The following GPC5 variants were observed in gnomAD, a reference collection of about 807,000 sequenced individuals.
The protein encoded by GPC5 is glypican-5.
In GPC5, 47 loss-of-function variants were observed where a neutral mutation model predicts 53.9. That is an observed-to-expected ratio of 0.87 (90% CI 0.69 to 1.11). The LOEUF (loss-of-function observed/expected upper bound fraction) is 1.11. GPC5 is among the 50% of genes most tolerant of loss of function. The probability of loss-of-function intolerance (pLI) is 0.00; values close to 1 mark genes in which losing one functional copy is unlikely to be tolerated. For missense variants in GPC5, 748 were observed against 713.1 expected, an observed-to-expected ratio of 1.05 and a Z score of -0.56; for synonymous variants, 286 against 263.3, an observed-to-expected ratio of 1.09 and a Z score of -0.84.
chr13:92,385,788 TATATAC>T (rs1374793158), intron 7 of GPC5, among the ~76,000 whole-genome samples: 1 of 110,882 alleles, frequency 9.0e-6, no homozygotes, highest in Admixed American at 9.6e-5. Flanking sequence ...TATATGTATA[TATATAC>T]ATATATACGT....
At chr13:91,977,042 A>T (rs1015986782) in intron 6 of GPC5, among the ~76,000 whole-genome samples, 1 of 16,632 alleles carries the variant, frequency 6.0e-5, no homozygotes, top group Non-Finnish European at 1.1e-4. Flanking sequence ...CTGTCTCAAT[A>T]AATAAATAAA....
chr13:92,774,212 A>G (rs573823692), intron 7 of GPC5, among the ~76,000 whole-genome samples: 1 of 152,320 alleles, frequency 6.6e-6, no homozygotes, highest in South Asian at 2.1e-4. Context: ...ACCTCAGTCA[A>G]CTTTTTCCAG....
chr13:92,031,743 TA>T (rs2040846345), intron 6 of GPC5, among the ~76,000 whole-genome samples: 2 of 84,124 alleles, frequency 2.4e-5, no homozygotes, highest in Admixed American at 1.7e-4. Context: ...ATATTATATA[TA>T]ATATATATTA....
At chr13:92,613,775 T>C (rs2139102535) in intron 7 of GPC5, among the ~76,000 whole-genome samples, 1 of 148,522 alleles carries the variant, frequency 6.7e-6, no homozygotes, top group East Asian at 2.0e-4. Flanking sequence ...GGAGGCTCAC[T>C]TGAGCACGGA....
At chr13:91,897,546 C>T (rs898410887) in intron 5 of GPC5, among the ~76,000 whole-genome samples, 2 of 151,996 alleles carry the variant, frequency 1.3e-5, no homozygotes, top group African/African-American at 4.8e-5. Flanking sequence ...GGATAGGCTC[C>T]CATCCCTGAT....
intron 2 of GPC5, among the ~76,000 whole-genome samples, chr13:91,502,971 A>T (rs561634076): frequency 6.6e-6 from 1 of 152,330 alleles, no homozygotes; most frequent in East Asian, 1.9e-4. Context: ...CACTTTTATT[A>T]TTCAGCAAGA....
intron 5 of GPC5, among the ~76,000 whole-genome samples, chr13:91,824,053 G>A (rs187166267): frequency 4.1e-4 from 62 of 152,160 alleles, no homozygotes; most frequent in Admixed American, 1.4e-3. Flanking sequence ...AAGTAAAACA[G>A]TAAGTGGTCA....
intron 2 of GPC5, among the ~76,000 whole-genome samples, chr13:91,537,798 G>A (rs1886658338): frequency 6.6e-6 from 1 of 152,152 alleles, no homozygotes; most frequent in Non-Finnish European, 1.5e-5. Context: ...TGAATTTACA[G>A]GACATGAAAA....
At chr13:91,780,450 A>G (rs1219916542) in intron 5 of GPC5, among the ~76,000 whole-genome samples, 1 of 151,874 alleles carries the variant, frequency 6.6e-6, no homozygotes, top group African/African-American at 2.4e-5. Flanking sequence ...TATTTTTTTA[A>G]AAATTTCTCT....
intron 6 of GPC5, among the ~76,000 whole-genome samples, chr13:92,006,710 T>C (rs1260447288): frequency 2.0e-5 from 3 of 152,174 alleles, no homozygotes; most frequent in Non-Finnish European, 4.4e-5. Context: ...AGTAGACTTT[T>C]CATTATTTCA....
chr13:91,791,218 G>A (rs1408194620), intron 5 of GPC5, among the ~76,000 whole-genome samples: 1 of 152,184 alleles, frequency 6.6e-6, no homozygotes, highest in African/African-American at 2.4e-5. Flanking sequence ...GATAGCATTA[G>A]CAGAGCCAAG....
rs900414242 is a variant in GPC5 at position 91,725,482 on chromosome 13, T to C, written c.1021-3050T>C. Among the ~76,000 whole-genome samples the C allele has an allele frequency of 4.6e-4, 70 of 152,176 alleles. 2 individuals carry two copies. The highest frequency in any genetic ancestry group is 1.8e-4 in the Non-Finnish European group (12 of 68,028). ...CTGATAACAGATGGTTTTCCTTTTC[T>C]TTTCAATAAAGTATGAAGTTAATCT... On this transcript the variant is annotated intron_variant, in intron 3 of 7. Coordinates refer to ENST00000377067, the MANE Select transcript of GPC5 (RefSeq NM_004466.6).
intron 7 of GPC5, among the ~76,000 whole-genome samples, chr13:92,564,021 A>T (rs377282817): frequency 7.9e-5 from 12 of 152,154 alleles, no homozygotes; most frequent in African/African-American, 2.9e-4. Flanking sequence ...ATTATGATAC[A>T]TCCCAGTTAA....
chr13:91,692,850 G>T (rs1015361572), intron 2 of GPC5, among the ~76,000 whole-genome samples: 1 of 152,138 alleles, frequency 6.6e-6, no homozygotes, highest in African/African-American at 2.4e-5. Flanking sequence ...CCCCATGTTG[G>T]TCTGGCTGGT....
chr13:91,926,410 A>C (rs1022977731), intron 6 of GPC5, among the ~76,000 whole-genome samples: 4 of 151,862 alleles, frequency 2.6e-5, no homozygotes, highest in Non-Finnish European at 5.9e-5. Context: ...GTATATTAAT[A>C]AGCATTTTTT....
intron 6 of GPC5, among the ~76,000 whole-genome samples, chr13:92,083,424 T>C (rs543841682): frequency 1.3e-5 from 2 of 152,088 alleles, no homozygotes; most frequent in Non-Finnish European, 1.5e-5. Context: ...AAAAAACATA[T>C]ATAGAGTCAG....
At chr13:92,759,348 GAC>G (rs1369604450) in intron 7 of GPC5, among the ~76,000 whole-genome samples, 1 of 151,820 alleles carries the variant, frequency 6.6e-6, no homozygotes, top group Admixed American at 6.6e-5. Flanking sequence ...CAACATTTAA[GAC>G]ACTACTTTTT....
rs540705075 is a variant in GPC5 at position 91,406,011 on chromosome 13, G to A, written c.163+6802G>A. Reference sequence around the variant, plus strand: ...GGTCTTGAACTCCTGGGCTCAAGCAGTCTGCATACCTTGGTGTCCCAAAAT... The same window carrying A: ...GGTCTTGAACTCCTGGGCTCAAGCAATCTGCATACCTTGGTGTCCCAAAAT... On this transcript the variant is annotated intron_variant, in intron 1 of 7. Transcript: ENST00000377067. 2.0e-5 allele frequency among the ~76,000 whole-genome samples: 3 copies of A among 152,232 alleles called. No homozygotes were observed. In the South Asian group the frequency reaches 6.2e-4, roughly 32 times the overall value.
At chr13:92,171,037 T>TTCTTAAATATTTTA (rs1279174444) in intron 7 of GPC5, among the ~76,000 whole-genome samples, 1 of 152,114 alleles carries the variant, frequency 6.6e-6, no homozygotes, top group Non-Finnish European at 1.5e-5. Flanking sequence ...TACTCTATTC[T>TTCTTAAATATTTTA]TCTTAAATAT....
Sources: allele counts gnomAD v4.1 joint callset (sites outside exome capture counted in the v4.1 genomes callset), GRCh38; gene constraint gnomAD v4.1.1; transcripts MANE v1.5; gene names NCBI Gene and HGNC (gene_info 2026-07-23, HGNC 2026-07-21).